CCDC33: variants seen among roughly 807,000 people sequenced by gnomAD.
The protein encoded by CCDC33 is coiled-coil domain-containing protein 33.
Under a neutral mutation model 91.9 loss-of-function variants are expected in CCDC33, and 94 were observed. That is an observed-to-expected ratio of 1.02 (90% CI 0.87 to 1.21). The LOEUF is 1.21. Ranked by LOEUF, CCDC33 falls within the 50% of genes most tolerant of loss-of-function variation. The probability of loss-of-function intolerance (pLI) is 0.00; values close to 1 mark genes in which losing one functional copy is unlikely to be tolerated. For synonymous variants in CCDC33, 396 were observed against 374.5 expected (o/e 1.06, Z -0.66); for missense variants, 940 against 935.5 (o/e 1.00, Z -0.06).
At chr15:74,332,622 C>G (rs2060462517) in intron 15 of CCDC33, 57 bp from the exon 16 acceptor site, 1 of 1,588,270 alleles carries the variant, frequency 6.3e-7, no homozygotes. Context: ...CAGATCAGGA[C>G]AGGGACATGG....
intron 2 of CCDC33, among the ~76,000 whole-genome samples, chr15:74,230,825 T>A (rs1164711271): frequency 6.6e-6 from 1 of 152,162 alleles, no homozygotes; most frequent in Non-Finnish European, 1.5e-5. Flanking sequence ...GCTCTGCAGA[T>A]GAGGAATGGG....
rs576751052 is a variant in CCDC33 at position 74,314,470 on chromosome 15, G to A, written c.1291-15719G>A. ...CTGGCTGCCCACTTATAGGGTCATG[G>A]CGACCTCAAGGCAGACAGTGGATTC... On this transcript the variant is annotated intron_variant, in intron 11 of 18. Coordinates refer to ENST00000398814, the MANE Select transcript of CCDC33 (RefSeq NM_025055.5). Among the ~76,000 whole-genome samples, 36 of 152,296 alleles carry A rather than the reference G, an allele frequency of 2.4e-4. 1 individual carries two copies. The South Asian group carries it at 7.0e-3, about 30-fold the overall frequency.
intron 1 of CCDC33, chr15:74,209,226 C>T (rs1303236875): frequency 1.4e-5 from 15 of 1,103,818 alleles, no homozygotes; most frequent in Non-Finnish European, 2.0e-5. Flanking sequence ...CCTCTCCACA[C>T]CCCCAAACCG....
At position 74,331,261 on chromosome 15, in the gene CCDC33, C is replaced by T. The variant is rs191686626; in HGVS notation, c.1736C>T (p.Pro579Leu). 4.0e-4 allele frequency: 645 copies of T among 1,614,132 alleles called. 3 individuals carry two copies. The highest frequency in any genetic ancestry group is 3.1e-3 in the Middle Eastern group (19 of 6,062). ...EDRLQDRSKP[P>L]PLNRQQGKPY... The stretch of plus-strand genomic sequence containing the variant: ...AGGCTGCAGGACAGGAGCAAGCCCC[C>T]TCCTCTGAACAGGCAGCAGGGAAAG... Residue 579 changes from proline to leucine, a missense_variant, in exon 15 of 19, where the codon CCT becomes CTT. Coordinates refer to ENST00000398814, the MANE Select transcript of CCDC33 (RefSeq NM_025055.5).
At chr15:74,232,584 G>A (rs1203138807), upstream of CCDC33, among the ~76,000 whole-genome samples, 2 of 152,024 alleles carry the variant, frequency 1.3e-5, no homozygotes, top group Admixed American at 1.3e-4. Flanking sequence ...TTTCTCCATT[G>A]CTTTTGGGCA....
intron 1 of CCDC33, 196 bp from the exon 2 acceptor site, chr15:74,243,789 A>G: frequency 1.5e-6 from 1 of 652,404 alleles, no homozygotes; most frequent in Non-Finnish European, 2.8e-6. Flanking sequence ...TACTAAAAAT[A>G]CAAAAATTAG....
rs1209592269 is a variant in CCDC33 at position 74,218,562 on chromosome 15, C to T, written c.376C>T (p.Pro126Ser). ...TGTGGAGGCACTGAGGCTGGACGAACCCTTGGGACGGGCAGCCCAGCGGGT... is the reference window on the plus strand; with the variant it reads ...TGTGGAGGCACTGAGGCTGGACGAATCCTTGGGACGGGCAGCCCAGCGGGT... Residue 126 changes from proline (P) to serine (S), a missense_variant, in exon 2 of 3, where the codon CCC becomes TCC. Coordinates refer to the CCDC33 transcript ENST00000635913. This position sits in a 1 kb window ranked among gnomAD's most constrained non-coding sequence, Gnocchi z 4.8. 1 of 1,289,808 alleles carries T rather than the reference C, an allele frequency of 7.8e-7. No individual in the cohort carries two copies. The highest frequency in any genetic ancestry group is 1.0e-6 in the Non-Finnish European group (1 of 988,864). The allele number at this position is 1,289,808 out of a possible 1,614,324, so 79.9% of individuals were successfully genotyped here. A position where few individuals can be genotyped will look rare whatever the true frequency, so the allele number is the denominator to read the frequency against.
Position 74,280,692 on chromosome 15 carries a change from T to G in CCDC33, c.914T>G (p.Leu305Arg), listed in dbSNP as rs2059343097. ...TSMKGSQPWTLNQPLGISVLP... is the reference protein window; with the variant it reads ...TSMKGSQPWTRNQPLGISVLP... ...GTGAAAGGCAGCCAGCCGTGGACCCTCAACCAGCCCCTGGGCATCTCTGTG... is the reference window on the plus strand; with the variant it reads ...GTGAAAGGCAGCCAGCCGTGGACCCGCAACCAGCCCCTGGGCATCTCTGTG... Residue 305 changes from leucine to arginine, a missense_variant, in exon 9 of 19, where the codon CTC (leucine) becomes CGC (arginine). Physicochemically the swap from Leu to Arg is moderately radical, Grantham distance 102. Transcript: ENST00000398814. 2.0e-6 allele frequency: 3 copies of G among 1,523,050 alleles called. No individual in the cohort carries two copies. In the East Asian group the frequency reaches 7.6e-5, roughly 39 times the overall value. The allele number at this position is 1,523,050 out of a possible 1,614,324, so 94.3% of individuals were successfully genotyped here.
intron 2 of CCDC33, among the ~76,000 whole-genome samples, chr15:74,258,156 A>T (rs1349689463): frequency 6.6e-6 from 1 of 152,194 alleles, no homozygotes; most frequent in African/African-American, 2.4e-5. Flanking sequence ...AATACCTCCT[A>T]TTCCACCATC....
At chr15:74,263,174 G>A (rs1488671101) in intron 3 of CCDC33, among the ~76,000 whole-genome samples, 1 of 152,242 alleles carries the variant, frequency 6.6e-6, no homozygotes, top group African/African-American at 2.4e-5. Context: ...ACACATGCAT[G>A]TGCACACTTA....
At chr15:74,262,194 C>G (rs1428249730) in intron 2 of CCDC33, among the ~76,000 whole-genome samples, 2 of 152,202 alleles carry the variant, frequency 1.3e-5, no homozygotes, top group African/African-American at 2.4e-5. Context: ...TGCCCTGAGC[C>G]TCTCTAAGTG....
chr15:74,226,555 A>C lies in CCDC33; in HGVS notation c.675+7694A>C, dbSNP rs553098777. 2.0e-5 allele frequency among the ~76,000 whole-genome samples: 3 copies of C among 152,260 alleles called. No homozygotes were observed. The South Asian group carries it at 6.2e-4, about 32-fold the overall frequency. On this transcript the variant is annotated intron_variant, in intron 2 of 2. Transcript: ENST00000635913. ...AATGGTTTTCAAGGGTGAGCCAGGC[A>C]CGGTGGCTCTCGCCTGTAATCCCAG...
At chr15:74,280,215 G>A (rs750594576) in intron 8 of CCDC33, 123 bp downstream of exon 8, 44 of 1,230,562 alleles carry the variant, frequency 3.6e-5, no homozygotes, top group Admixed American at 2.4e-4. Context: ...GTGTCCAGGC[G>A]GCTTCCTAAT....
intron 10 of CCDC33, among the ~76,000 whole-genome samples, chr15:74,283,945 A>T (rs1205884168): frequency 1.3e-5 from 2 of 152,224 alleles, no homozygotes; most frequent in African/African-American, 4.8e-5. Context: ...ACGCTCTCAC[A>T]TACATGCAAA....
At chr15:74,217,507 A>C in exon 1 of CCDC33, 1 of 1,288,788 alleles carries the variant, frequency 7.8e-7, no homozygotes, top group Non-Finnish European at 1.0e-6. Context: ...GCTATCACTG[A>C]TGTCATTGAG....
chr15:74,221,074 C>A (rs1043228141), intron 2 of CCDC33, among the ~76,000 whole-genome samples: 1 of 152,162 alleles, frequency 6.6e-6, no homozygotes, highest in African/African-American at 2.4e-5. Context: ...TTCCAGGAAG[C>A]CTTCCCAGCA....
At chr15:74,261,501 C>G (rs954364907) in intron 2 of CCDC33, among the ~76,000 whole-genome samples, 1 of 152,188 alleles carries the variant, frequency 6.6e-6, no homozygotes, top group African/African-American at 2.4e-5. Flanking sequence ...GTCTTTGTTC[C>G]CATCCTGGGG....
At chr15:74,280,185 C>T (rs994848205) in intron 8 of CCDC33, 93 bp downstream of exon 8, 3 of 1,468,104 alleles carry the variant, frequency 2.0e-6, no homozygotes, top group South Asian at 2.5e-5. Context: ...CTGCCTCCCA[C>T]AGGGATGGAT....
At chr15:74,319,598 C>T (rs1567030926) in intron 11 of CCDC33, 1 of 152,416 alleles carries the variant, frequency 6.6e-6, no homozygotes, top group Non-Finnish European at 1.5e-5. Flanking sequence ...GGAGTCATGA[C>T]TGATGGCCTG....
Sources: gnomAD v4.1 joint callset for allele counts (sites outside exome capture counted in the v4.1 genomes callset) on GRCh38, gnomAD v4.1.1 for gene constraint, Gnocchi (gnomAD v3.1) non-coding constraint, MANE v1.5 for transcripts, NCBI Gene and HGNC (gene_info 2026-07-23, HGNC 2026-07-21) for gene names.